The following ZNF618 variants were observed in gnomAD, a reference collection of about 807,000 sequenced individuals.
ZNF618 encodes the protein zinc finger protein 618, also known as neural precursor cell expressed, developmentally down-regulated 10.
In ZNF618, 34 loss-of-function variants were observed where a neutral mutation model predicts 103.0. The observed-to-expected ratio is 0.33, with a 90% CI of 0.25 to 0.44. The LOEUF (loss-of-function observed/expected upper bound fraction) is 0.44, where lower values mean the gene tolerates loss of function less well. Ranked by LOEUF, ZNF618 falls within the 20% of genes least tolerant of loss-of-function variation. The pLI, the probability that ZNF618 is intolerant of heterozygous loss-of-function variation, is 1.00. For synonymous variants in ZNF618, 551 were observed against 542.2 expected (o/e 1.02, Z -0.23); for missense variants, 1,059 against 1,295.4 (o/e 0.82, Z 2.80).
At chr9:113,887,455 G>A (rs962841125) in intron 1 of ZNF618, among the ~76,000 whole-genome samples, 1 of 152,116 alleles carries the variant, frequency 6.6e-6, no homozygotes, top group Non-Finnish European at 1.5e-5. Flanking sequence ...TTCCAAATTC[G>A]TTTTTGAGTT....
At chr9:113,970,295 A>T (rs933340809) in intron 2 of ZNF618, among the ~76,000 whole-genome samples, 9 of 152,112 alleles carry the variant, frequency 5.9e-5, no homozygotes, top group Non-Finnish European at 1.0e-4. Context: ...CCATGGAAAG[A>T]TATTGACATT....
At position 114,002,114 on chromosome 9, in the gene ZNF618, C is replaced by T. The variant is rs778358397; in HGVS notation, c.511+41C>T. 1.9e-6 allele frequency: 3 copies of T among 1,571,790 alleles called. No individual in the cohort carries two copies. In the Admixed American group the frequency reaches 5.0e-5, roughly 26 times the overall value. On this transcript the variant is annotated intron_variant, in intron 5 of 14. Coordinates refer to ENST00000374126, the MANE Select transcript of ZNF618 (RefSeq NM_001318042.2). ...CTGGGGCAGAGCCCAGGGGCCGCAC[C>T]TCCCACTGTCTGCCTGTTTCCCACT...
intron 3 of ZNF618, 48 bp downstream of exon 3, chr9:113,988,628 T>G (rs1407150880): frequency 7.7e-6 from 12 of 1,556,462 alleles, no homozygotes; most frequent in Non-Finnish European, 9.5e-6. Context: ...GGTGGGAACA[T>G]GGAGTCAGAG....
In ZNF618 at chr9:113,876,358, G is replaced by A. The variant is rs1827922171; in HGVS notation, c.-23G>A. On this transcript the variant is annotated 5_prime_UTR_variant, in exon 1 of 15. Transcript: ENST00000374126. ...CCCGGGAGGAGCAGGACGCGCCGGG[G>A]CCGCCTCCTCCCGCACGGACCCATG... 4.2e-6 allele frequency: 5 copies of A among 1,190,454 alleles called. No individual in the cohort carries two copies. Among genetic ancestry groups the A allele is most frequent in the Non-Finnish European group, 5.2e-6 (5 of 964,480 alleles). The allele number at this position is 1,190,454 out of a possible 1,614,324, so 73.7% of individuals were successfully genotyped here.
At chr9:113,997,301 G>C (rs1840713652) in intron 3 of ZNF618, among the ~76,000 whole-genome samples, 2 of 151,954 alleles carry the variant, frequency 1.3e-5, no homozygotes, top group South Asian at 4.2e-4. Flanking sequence ...AGAGATGGGG[G>C]TCTTGCTGTG....
intron 2 of ZNF618, among the ~76,000 whole-genome samples, chr9:113,986,630 G>C (rs1839508810): frequency 6.6e-6 from 1 of 152,098 alleles, no homozygotes; most frequent in African/African-American, 2.4e-5. Context: ...GGCCCCTCCA[G>C]TGTGACCTCA....
At position 113,923,285 on chromosome 9, in the gene ZNF618, C is replaced by G. The variant is rs79338638; in HGVS notation, c.34-45832C>G. On this transcript the variant is annotated intron_variant, in intron 1 of 14. Coordinates refer to ENST00000374126, the MANE Select transcript of ZNF618 (RefSeq NM_001318042.2). The stretch of plus-strand genomic sequence containing the variant: ...TTTACAATCTGTATACCTTTTATTT[C>G]CTTTTCTTGTCTTACTGCATTAGCT... Among the ~76,000 whole-genome samples the G allele has an allele frequency of 8.8e-3, 1,342 of 152,038 alleles. 26 individuals are homozygous for G. The highest frequency in any genetic ancestry group is 0.031 in the African/African-American group (1,282 of 41,468).
In ZNF618 at chr9:114,041,504, T is replaced by C. The variant is rs113141891; in HGVS notation, c.1246+5127T>C. On this transcript the variant is annotated intron_variant, in intron 13 of 14. Coordinates refer to ENST00000374126, the MANE Select transcript of ZNF618 (RefSeq NM_001318042.2). ...TTAACCCATCTTGAATTAATTTTTG[T>C]ATAAGGTGTAAGGAAGGGATCCAGT... Among the ~76,000 whole-genome samples, 31 of 152,356 alleles carry C rather than the reference T, an allele frequency of 2.0e-4. 2 individuals are homozygous for C. The highest frequency in any genetic ancestry group is 6.3e-4 in the African/African-American group (26 of 41,566).
chr9:113,911,680 A>AT (rs1321056971), intron 1 of ZNF618, among the ~76,000 whole-genome samples: 2 of 151,944 alleles, frequency 1.3e-5, no homozygotes, highest in African/African-American at 2.4e-5. Context: ...TTCTCTCCTG[A>AT]TTTTTTTAAA....
chr9:113,959,927 C>T (rs755458939), intron 1 of ZNF618, among the ~76,000 whole-genome samples: 4 of 152,202 alleles, frequency 2.6e-5, no homozygotes, highest in Non-Finnish European at 4.4e-5. Context: ...CTTTAAACGT[C>T]GTGACTCAGG....
chr9:113,902,280 A>G (rs1199621407), intron 1 of ZNF618, among the ~76,000 whole-genome samples: 1 of 152,204 alleles, frequency 6.6e-6, no homozygotes, highest in Non-Finnish European at 1.5e-5. Context: ...TTAGTTATGA[A>G]GATTAAATGA....
intron 2 of ZNF618, among the ~76,000 whole-genome samples, chr9:113,981,096 C>T (rs946028305): frequency 6.6e-6 from 1 of 152,202 alleles, no homozygotes; most frequent in Non-Finnish European, 1.5e-5. Context: ...CCCATGCATG[C>T]ATGCATTCAT....
chr9:114,028,680 C>T, intron 10 of ZNF618, 53 bp from the exon 11 acceptor site: 1 of 1,520,972 alleles, frequency 6.6e-7, no homozygotes, highest in Non-Finnish European at 8.8e-7. Flanking sequence ...CGAGAGGCCA[C>T]TCACTCTGCC....
At position 113,876,314 on chromosome 9, in the gene ZNF618, G is replaced by T. The variant is rs1827916432; in HGVS notation, c.-67G>T. ...GCGGCGGCGGCGGCGGCGGCATTGT[G>T]CGCGCACCAGCAGCCCGGCCCGGGA... On this transcript the variant is annotated 5_prime_UTR_variant, in exon 1 of 15. Coordinates refer to ENST00000374126, the MANE Select transcript of ZNF618 (RefSeq NM_001318042.2). The T allele has an allele frequency of 2.8e-6, 3 of 1,074,312 alleles. No homozygotes were observed. Among genetic ancestry groups the T allele is most frequent in the Admixed American group, 5.2e-5 (1 of 19,230 alleles). The allele number at this position is 1,074,312 out of a possible 1,614,324, so 66.5% of individuals were successfully genotyped here.
chr9:114,033,901 C>G (rs1178804005), intron 12 of ZNF618, among the ~76,000 whole-genome samples: 2 of 152,208 alleles, frequency 1.3e-5, no homozygotes. Flanking sequence ...CGGGGACCCT[C>G]TGAGACAGCC....
At chr9:113,992,201 T>A (rs546508338) in intron 3 of ZNF618, among the ~76,000 whole-genome samples, 1 of 152,278 alleles carries the variant, frequency 6.6e-6, no homozygotes, top group African/African-American at 2.4e-5. Context: ...ATTGTTGGTG[T>A]CTGCCCTGGA....
At chr9:113,947,640 G>C (rs960302980) in intron 1 of ZNF618, among the ~76,000 whole-genome samples, 3 of 152,172 alleles carry the variant, frequency 2.0e-5, no homozygotes, top group African/African-American at 7.2e-5. Context: ...TACAAGCTCA[G>C]AGTCAGGCCT....
chr9:113,977,060 G>A (rs1838542455), intron 2 of ZNF618, among the ~76,000 whole-genome samples: 1 of 152,160 alleles, frequency 6.6e-6, no homozygotes, highest in Non-Finnish European at 1.5e-5. Flanking sequence ...AGCAAACCAG[G>A]GCTGAGTTCT....
chr9:114,022,869 T>C (rs1471473057), intron 10 of ZNF618, among the ~76,000 whole-genome samples: 1 of 152,112 alleles, frequency 6.6e-6, no homozygotes, highest in Admixed American at 6.5e-5. Context: ...GAATTGACCC[T>C]TTATAAAGTA....
Sources: allele counts gnomAD v4.1 joint callset (sites outside exome capture counted in the v4.1 genomes callset), GRCh38; gene constraint gnomAD v4.1.1; transcripts MANE v1.5; gene names NCBI Gene and HGNC (gene_info 2026-07-23, HGNC 2026-07-21).